SYTL4: variants seen among roughly 807,000 people sequenced by gnomAD.
SYTL4 encodes synaptotagmin-like protein 4.
Under a neutral mutation model 52.7 loss-of-function variants are expected in SYTL4, and 16 were observed. The observed-to-expected ratio is 0.30, with a 90% CI of 0.21 to 0.46. SYTL4 has a LOEUF of 0.46. SYTL4 is among the 20% of genes least tolerant of loss of function. The probability of loss-of-function intolerance (pLI) is 1.00; values close to 1 mark genes in which losing one functional copy is unlikely to be tolerated. For missense variants in SYTL4, 423 were observed against 519.9 expected (o/e 0.81, Z 1.81); for synonymous variants, 160 against 186.6 (o/e 0.86, Z 1.16).
Position 100,675,966 on chromosome X carries a change from G to C in SYTL4, c.*62C>G. On this transcript the variant is annotated 3_prime_UTR_variant, in exon 20 of 20. Coordinates refer to ENST00000372989, the MANE Select transcript of SYTL4 (RefSeq NM_001370165.1). ...CATTAAATTATAAATCTTTGCTCTT[G>C]ATTTCTTCACTTCCTCTGACCTGCC... 1 of 1,117,292 alleles carries C rather than the reference G, an allele frequency of 9.0e-7. No individual in the cohort carries two copies. 92.1% of individuals were successfully genotyped at this position (1,117,292 alleles called of 1,213,427 possible). A position where few individuals can be genotyped will look rare whatever the true frequency, so the allele number is the denominator to read the frequency against.
In SYTL4 at chrX:100,704,498, A is replaced by C. The variant is rs1164346866; in HGVS notation, c.-164+313T>G. Among the ~76,000 whole-genome samples the C allele has an allele frequency of 4.4e-5, 5 of 112,618 alleles. No homozygotes were observed. In the Admixed American group the frequency reaches 4.7e-4, roughly 11 times the overall value. On this transcript the variant is annotated intron_variant, in intron 3 of 19. Coordinates refer to ENST00000372989, the MANE Select transcript of SYTL4 (RefSeq NM_001370165.1). ...GGAGACTGACTGAGCAGAGAGGATGAAGAAGGTGAAGTCAAAGATGCCTAG... is the reference window on the plus strand; with the variant it reads ...GGAGACTGACTGAGCAGAGAGGATGCAGAAGGTGAAGTCAAAGATGCCTAG...
At chrX:100,678,024 G>GC (rs1434458439) in intron 19 of SYTL4, among the ~76,000 whole-genome samples, 1 of 111,528 alleles carries the variant, frequency 9.0e-6, no homozygotes, top group Non-Finnish European at 1.9e-5. Context: ...GGGGGAGGTG[G>GC]CCCAGAGCAC....
intron 16 of SYTL4, among the ~76,000 whole-genome samples, chrX:100,683,960 T>C (rs2083429391): frequency 9.0e-6 from 1 of 111,729 alleles, no homozygotes; most frequent in East Asian, 2.8e-4. Context: ...CAGTGACATT[T>C]CCAATATAAT....
chrX:100,705,948 C>T (rs939497215), intron 2 of SYTL4, among the ~76,000 whole-genome samples: 1 of 111,178 alleles, frequency 9.0e-6, no homozygotes, highest in African/African-American at 3.3e-5. Context: ...TTGAGCCCCA[C>T]ATTGTCTCTT....
At chrX:100,683,793 A>T (rs1243216943) in intron 16 of SYTL4, among the ~76,000 whole-genome samples, 1 of 112,129 alleles carries the variant, frequency 8.9e-6, no homozygotes, top group African/African-American at 3.2e-5. Flanking sequence ...GGACTCTTAA[A>T]AATTGGAGTT....
At chrX:100,716,187 C>T (rs2084204474) in intron 2 of SYTL4, among the ~76,000 whole-genome samples, 1 of 107,683 alleles carries the variant, frequency 9.3e-6, no homozygotes, top group Admixed American at 1.0e-4. Flanking sequence ...CGGTGGCTCA[C>T]GTCTGTAATC....
chrX:100,675,909 C>CAT lies in SYTL4; in HGVS notation c.*118_*119insAT. 1 of 667,603 alleles carries CAT rather than the reference C, an allele frequency of 1.5e-6. No individual in the cohort carries two copies. The highest frequency in any genetic ancestry group is 3.2e-5 in the South Asian group (1 of 31,311). 55.0% of individuals were successfully genotyped at this position (667,603 alleles called of 1,213,427 possible). The stretch of plus-strand genomic sequence containing the variant: ...GTTTGTACACATACACACACACACA[C>CAT]ACACACACACATACACACATACACA... On this transcript the variant is annotated 3_prime_UTR_variant, in exon 20 of 20. Transcript: ENST00000372989.
intron 2 of SYTL4, among the ~76,000 whole-genome samples, chrX:100,730,909 G>A (rs1440973916): frequency 2.0e-5 from 2 of 100,167 alleles, no homozygotes; most frequent in Non-Finnish European, 4.0e-5. Context: ...AATATTAATA[G>A]ATTTATGAGA....
rs757752119 is a variant in SYTL4 at position 100,712,178 on chromosome X, A to G, written c.-239-7292T>C. Among the ~76,000 whole-genome samples, 14 of 112,382 alleles carry G rather than the reference A, an allele frequency of 1.2e-4. No individual in the cohort carries two copies. In the East Asian group the frequency reaches 3.9e-3, roughly 31 times the overall value. ...TGAAGCAGAAAGAAAATGGTACTGC[A>G]CAGAAATATAGGTTTACAAAAAGGG... is the stretch of plus-strand genomic sequence containing the variant. On this transcript the variant is annotated intron_variant, in intron 2 of 19. Transcript: ENST00000372989.
intron 8 of SYTL4, among the ~76,000 whole-genome samples, chrX:100,694,047 T>C (rs1482685605): frequency 8.9e-6 from 1 of 112,181 alleles, no homozygotes; most frequent in Non-Finnish European, 1.9e-5. Context: ...ACTTAATGGC[T>C]ATCGGGTTTC....
chrX:100,709,869 G>A (rs1453197719), intron 2 of SYTL4, among the ~76,000 whole-genome samples: 1 of 111,693 alleles, frequency 9.0e-6, no homozygotes, highest in Non-Finnish European at 1.9e-5. Context: ...CTGTCTAGAC[G>A]TCAGTTAAAG....
chrX:100,674,805 G>C lies in SYTL4; in HGVS notation c.*1223C>G, dbSNP rs2083251486. ...CTTATGAGAATAGAAAGGTCAGTTT[G>C]ATCAATGAGTACCAGAAGATGAAAC... On this transcript the variant is annotated 3_prime_UTR_variant, in exon 20 of 20. Coordinates refer to ENST00000372989, the MANE Select transcript of SYTL4 (RefSeq NM_001370165.1). 1 of 111,803 alleles carries C rather than the reference G, an allele frequency of 8.9e-6. No individual in the cohort carries two copies. The highest frequency in any genetic ancestry group is 1.9e-5 in the Non-Finnish European group (1 of 53,198). The allele number at this position is 111,803 out of a possible 1,213,427, so 9.2% of individuals were successfully genotyped here.
At chrX:100,687,784 T>C (rs1333188127) in intron 13 of SYTL4, 1 of 114,219 alleles carries the variant, frequency 8.8e-6, no homozygotes, top group African/African-American at 3.3e-5. Context: ...TAATCGGTCA[T>C]GCGAGCTGAC....
At chrX:100,726,357 C>T (rs967923535) in intron 2 of SYTL4, among the ~76,000 whole-genome samples, 5 of 111,113 alleles carry the variant, frequency 4.5e-5, no homozygotes, top group Non-Finnish European at 9.4e-5. Context: ...CTCCTCTTTT[C>T]GTCTCTCTCA....
chrX:100,711,047 A>T (rs143203858), intron 2 of SYTL4, among the ~76,000 whole-genome samples: 7 of 111,975 alleles, frequency 6.3e-5, no homozygotes, highest in Admixed American at 4.8e-4. Context: ...GCCAAATTGG[A>T]AAACGTCATG....
chrX:100,678,354 G>A, intron 19 of SYTL4, 37 bp downstream of exon 19: 1 of 1,074,236 alleles, frequency 9.3e-7, no homozygotes. Flanking sequence ...TAGACAAGAA[G>A]CCTTCAAACA....
intron 2 of SYTL4, among the ~76,000 whole-genome samples, chrX:100,708,825 A>G (rs968443644): frequency 8.9e-6 from 1 of 112,394 alleles, no homozygotes; most frequent in Non-Finnish European, 1.9e-5. Flanking sequence ...CAAAATGAAA[A>G]CTGATGTGAA....
intron 5 of SYTL4, 124 bp from the exon 6 acceptor site, chrX:100,701,797 G>T: frequency 1.2e-6 from 1 of 825,838 alleles, no homozygotes; most frequent in East Asian, 3.2e-5. Flanking sequence ...TCAGAGCCCA[G>T]CGTGACCCAA....
chrX:100,687,295 C>G (rs772998034), intron 13 of SYTL4, 50 bp from the exon 14 acceptor site: 2 of 1,078,475 alleles, frequency 1.9e-6, no homozygotes, highest in East Asian at 6.0e-5. Context: ...CTCCCCCGCC[C>G]GCATTGCTCA....
Sources: gnomAD v4.1 joint callset for allele counts (sites outside exome capture counted in the v4.1 genomes callset) on GRCh38, gnomAD v4.1.1 for gene constraint, MANE v1.5 for transcripts, NCBI Gene and HGNC (gene_info 2026-07-23, HGNC 2026-07-21) for gene names.